Variants in PIBF1 observed in about 807,000 individuals in gnomAD.
PIBF1 encodes the protein progesterone-induced-blocking factor 1.
In PIBF1, 90 loss-of-function variants were observed where a neutral mutation model predicts 112.5. That is an observed-to-expected ratio of 0.80 (90% CI 0.67 to 0.95). The LOEUF (loss-of-function observed/expected upper bound fraction) is 0.95, where lower values mean the gene tolerates loss of function less well. Ranked by LOEUF, PIBF1 falls within the 40% of genes least tolerant of loss-of-function variation. PIBF1 has a pLI of 0.00. For missense variants in PIBF1, 915 were observed against 852.3 expected (o/e 1.07, Z -0.92); for synonymous variants, 301 against 288.6 (o/e 1.04, Z -0.44).
At chr13:72,976,145 C>T (rs1160202905) in intron 16 of PIBF1, among the ~76,000 whole-genome samples, 1 of 152,126 alleles carries the variant, frequency 6.6e-6, no homozygotes, top group Non-Finnish European at 1.5e-5. Context: ...CACCTGTAGT[C>T]CCAGGTACTC....
At chr13:72,897,574 C>T (rs1475719734) in intron 11 of PIBF1, among the ~76,000 whole-genome samples, 2 of 152,140 alleles carry the variant, frequency 1.3e-5, no homozygotes. Context: ...CTTCAGGAGA[C>T]ACACCTAACA....
intron 9 of PIBF1, 49 bp from the exon 10 acceptor site, chr13:72,854,006 CAT>C (rs778788522): frequency 7.7e-7 from 1 of 1,297,170 alleles, no homozygotes; most frequent in South Asian, 1.2e-5. Flanking sequence ...TAAGAAAGAA[CAT>C]AGATAAATCA....
At position 72,960,267 on chromosome 13, in the gene PIBF1, C is replaced by T. The variant is rs79826953; in HGVS notation, c.1834-5007C>T. 6.4e-3 allele frequency among the ~76,000 whole-genome samples: 972 copies of T among 152,102 alleles called. 13 individuals carry two copies. The highest frequency in any genetic ancestry group is 0.022 in the African/African-American group (901 of 41,490). On this transcript the variant is annotated intron_variant, in intron 14 of 17. Transcript: ENST00000326291. ...TGTTTATAATACTAAAACCTTTAGCCGGGCATGGTGGTGCATGCCTGTGGT... is the reference window on the plus strand; with the variant it reads ...TGTTTATAATACTAAAACCTTTAGCTGGGCATGGTGGTGCATGCCTGTGGT...
Position 72,797,920 on chromosome 13 carries a change from A to G in PIBF1, c.566A>G (p.Glu189Gly). ...ATTTTTTTCAAGGTTCGCTTCTATGAGCTAGTGAATCCATTAAGAAAGGAA... is the reference window on the plus strand; with the variant it reads ...ATTTTTTTCAAGGTTCGCTTCTATGGGCTAGTGAATCCATTAAGAAAGGAA... ...IPEYVSVRFY[E>G]LVNPLRKEIC... Residue 189 changes from glutamate (E) to glycine (G), a missense_variant, in exon 5 of 18, where the codon GAG becomes GGG. Physicochemically the swap from Glu to Gly is moderately conservative, Grantham distance 98 (BLOSUM62 -2). Transcript: ENST00000326291. 1 of 1,598,064 alleles carries G rather than the reference A, an allele frequency of 6.3e-7. No homozygotes were observed. Among genetic ancestry groups the G allele is most frequent in the Non-Finnish European group, 8.5e-7 (1 of 1,174,018 alleles).
In PIBF1 at chr13:72,864,400, A is replaced by G. The variant is rs367775264; in HGVS notation, c.1322+10245A>G. On this transcript the variant is annotated intron_variant, in intron 10 of 17. Coordinates refer to ENST00000326291, the MANE Select transcript of PIBF1 (RefSeq NM_006346.4). The stretch of plus-strand genomic sequence containing the variant: ...TACATGTTCTTCCGATTATTCATCA[A>G]TAGCATCAAAAGGAAATGATGTGGA... 7.9e-5 allele frequency among the ~76,000 whole-genome samples: 12 copies of G among 152,362 alleles called. No individual in the cohort carries two copies. In the East Asian group the frequency reaches 2.3e-3, roughly 29 times the overall value.
At position 72,821,925 on chromosome 13, in the gene PIBF1, C is replaced by CAA; in HGVS notation, c.752_753dup (p.Gln252AsnfsTer3). The CAA allele has an allele frequency of 1.9e-6, 3 of 1,612,662 alleles. No homozygotes were observed. Among genetic ancestry groups the CAA allele is most frequent in the Non-Finnish European group, 2.5e-6 (3 of 1,179,198 alleles). ...CGTTTGGCCTTAGAATTAGCAGACACAAAACAGTTAATTCAGCAAGGTGAC... is the reference window on the plus strand; with the variant it reads ...CGTTTGGCCTTAGAATTAGCAGACACAAAAAACAGTTAATTCAGCAAGGTGAC... On this transcript the variant is annotated frameshift_variant, in exon 6 of 18. Coordinates refer to ENST00000326291, the MANE Select transcript of PIBF1 (RefSeq NM_006346.4). LOFTEE classifies it high-confidence loss of function.
intron 5 of PIBF1, among the ~76,000 whole-genome samples, chr13:72,810,359 A>C (rs1045361902): frequency 3.9e-5 from 6 of 152,180 alleles, no homozygotes; most frequent in African/African-American, 1.4e-4. Flanking sequence ...AAAACTATTA[A>C]ATTTCATGAG....
At chr13:72,886,588 A>T (rs1018636830) in intron 10 of PIBF1, among the ~76,000 whole-genome samples, 4 of 151,926 alleles carry the variant, frequency 2.6e-5, no homozygotes, top group Non-Finnish European at 5.9e-5. Flanking sequence ...TTTTGACTTT[A>T]TAAGATGGCC....
At chr13:72,929,960 C>T (rs1479852598) in intron 13 of PIBF1, among the ~76,000 whole-genome samples, 2 of 152,080 alleles carry the variant, frequency 1.3e-5, no homozygotes, top group Admixed American at 6.6e-5. Flanking sequence ...CCTGGGCTCA[C>T]GTGATCCCCC....
intron 17 of PIBF1, among the ~76,000 whole-genome samples, chr13:73,014,977 G>C (rs1594374180): frequency 6.6e-6 from 1 of 152,106 alleles, no homozygotes; most frequent in East Asian, 1.9e-4. Context: ...GTAGAAACAG[G>C]GTTTCACCAT....
chr13:72,926,893 T>G (rs1225946026), intron 13 of PIBF1, among the ~76,000 whole-genome samples: 1 of 152,204 alleles, frequency 6.6e-6, no homozygotes, highest in Non-Finnish European at 1.5e-5. Context: ...ATCTTCCCAG[T>G]AGATATTATG....
At chr13:72,785,097 T>C (rs1171875272) in intron 2 of PIBF1, among the ~76,000 whole-genome samples, 1 of 152,142 alleles carries the variant, frequency 6.6e-6, no homozygotes, top group African/African-American at 2.4e-5. Context: ...TCTACCCTTA[T>C]AACCTAATCA....
At chr13:72,994,322 T>C (rs1218545622) in intron 16 of PIBF1, among the ~76,000 whole-genome samples, 1 of 152,126 alleles carries the variant, frequency 6.6e-6, no homozygotes, top group Non-Finnish European at 1.5e-5. Flanking sequence ...GAAAAAGGCG[T>C]ACATTGTTTC....
At chr13:72,999,331 GTTA>G (rs753451028) in intron 17 of PIBF1, among the ~76,000 whole-genome samples, 28 of 152,148 alleles carry the variant, frequency 1.8e-4, no homozygotes, top group African/African-American at 4.8e-4. Flanking sequence ...AATATGTACA[GTTA>G]TTATGTGCCA....
intron 15 of PIBF1, among the ~76,000 whole-genome samples, chr13:72,967,247 CT>C (rs1036205740): frequency 2.6e-5 from 4 of 152,018 alleles, no homozygotes; most frequent in Non-Finnish European, 5.9e-5. Context: ...AAATTTGAAT[CT>C]TTTATATGTC....
At chr13:73,012,353 GA>G (rs981408504) in intron 17 of PIBF1, among the ~76,000 whole-genome samples, 2 of 150,210 alleles carry the variant, frequency 1.3e-5, no homozygotes, top group Admixed American at 6.6e-5. Flanking sequence ...CTCTGTCTCA[GA>G]AAAAAAAATA....
At chr13:72,890,165 G>C (rs1336529748) in intron 10 of PIBF1, among the ~76,000 whole-genome samples, 2 of 152,094 alleles carry the variant, frequency 1.3e-5, no homozygotes, top group African/African-American at 4.8e-5. Context: ...CCTGTTATTT[G>C]ATGTTTTATC....
chr13:72,897,852 T>C (rs910398868), intron 11 of PIBF1, among the ~76,000 whole-genome samples: 13 of 152,144 alleles, frequency 8.5e-5, no homozygotes, highest in African/African-American at 3.1e-4. Flanking sequence ...ACAGTAATAG[T>C]GGGGGACTTC....
chr13:72,854,022 A>G, intron 9 of PIBF1, 35 bp from the exon 10 acceptor site: 2 of 1,381,314 alleles, frequency 1.4e-6, no homozygotes, highest in South Asian at 2.3e-5. Context: ...TAAATCACGC[A>G]TTTGAAATAA....
Sources: allele counts gnomAD v4.1 joint callset (sites outside exome capture counted in the v4.1 genomes callset), GRCh38; gene constraint gnomAD v4.1.1; transcripts MANE v1.5; gene names NCBI Gene and HGNC (gene_info 2026-07-23, HGNC 2026-07-21).